CRYBG1: variants seen among roughly 807,000 people sequenced by gnomAD.
CRYBG1 encodes crystallin beta-gamma domain containing 1.
Under a neutral mutation model 189.2 loss-of-function variants are expected in CRYBG1, and 139 were observed. The ratio of observed to expected loss-of-function variants is 0.73; its 90% CI spans 0.64 to 0.85. The LOEUF is 0.85. CRYBG1 is among the 40% of genes least tolerant of loss of function. CRYBG1 has a pLI of 0.00. For synonymous variants in CRYBG1, 1,023 were observed against 1,017.1 expected, an observed-to-expected ratio of 1.01 and a Z score of -0.11; for missense variants, 2,611 against 2,675.8, an observed-to-expected ratio of 0.98 and a Z score of 0.53.
At chr6:106,440,684 A>T (rs1771552657) in intron 1 of CRYBG1, among the ~76,000 whole-genome samples, 1 of 152,234 alleles carries the variant, frequency 6.6e-6, no homozygotes, top group South Asian at 2.1e-4. Flanking sequence ...GTGTGACGGA[A>T]AGGGAAAAAC....
chr6:106,394,931 C>T (rs1160237656), intron 1 of CRYBG1, among the ~76,000 whole-genome samples: 1 of 150,680 alleles, frequency 6.6e-6, no homozygotes, highest in African/African-American at 2.4e-5. Context: ...TCTCAGCTCA[C>T]TACAACCTCT....
chr6:106,402,893 A>T (rs562346341), intron 1 of CRYBG1, among the ~76,000 whole-genome samples: 1 of 152,302 alleles, frequency 6.6e-6, no homozygotes, highest in African/African-American at 2.4e-5. Flanking sequence ...ACAACCTCCG[A>T]TGGCATGGCA....
chr6:106,435,890 G>A (rs539293627), intron 1 of CRYBG1, among the ~76,000 whole-genome samples: 54 of 152,060 alleles, frequency 3.6e-4, no homozygotes, highest in Non-Finnish European at 5.0e-4. Flanking sequence ...AAAACAAATC[G>A]TGTCTTGGAA....
chr6:106,436,498 G>A (rs1771461503), intron 1 of CRYBG1, among the ~76,000 whole-genome samples: 1 of 152,208 alleles, frequency 6.6e-6, no homozygotes, highest in East Asian at 1.9e-4. Context: ...GTTTCACCGT[G>A]TTAGCCAGGA....
At chr6:106,461,399 G>T (rs527751109) in intron 2 of CRYBG1, among the ~76,000 whole-genome samples, 8 of 152,294 alleles carry the variant, frequency 5.3e-5, no homozygotes, top group African/African-American at 1.4e-4. Flanking sequence ...AGCAAATGTA[G>T]TACAGGAGAA....
chr6:106,432,058 A>T (rs1265313299), intron 1 of CRYBG1, among the ~76,000 whole-genome samples: 1 of 152,210 alleles, frequency 6.6e-6, no homozygotes, highest in Non-Finnish European at 1.5e-5. Flanking sequence ...AATGACCAGA[A>T]TATTAATTCT....
intron 2 of CRYBG1, among the ~76,000 whole-genome samples, chr6:106,490,056 A>G (rs9372133): frequency 0.31 from 47,192 of 152,200 alleles, 8,416 homozygotes; most frequent in East Asian, 0.61. Flanking sequence ...CCAGCAGGGC[A>G]TGAAAAGCCA....
At position 106,520,324 on chromosome 6, in the gene CRYBG1, C is replaced by T; in HGVS notation, c.3116C>T (p.Pro1039Leu). ...VIPPASEKTL[P>L]IQAQSQGSRT... is the part of the protein sequence containing the mutation. The stretch of plus-strand genomic sequence containing the variant: ...CCGCCAGCATCAGAGAAAACTCTGC[C>T]TATTCAGGCTCAAAGTCAGGGCAGC... The change falls in exon 4 of 22, where the codon CCT becomes CTT. Residue 1039 changes from proline (P) to leucine (L), a missense_variant. Around this residue, in one of 3 missense-constraint regions of CRYBG1, gnomAD observed 1,622 missense variants for 1,735.0 expected, o/e 0.93. Transcript: ENST00000633556. The T allele has an allele frequency of 6.2e-7, 1 of 1,614,168 alleles. No individual in the cohort carries two copies. Among genetic ancestry groups the T allele is most frequent in the Non-Finnish European group, 8.5e-7 (1 of 1,180,038 alleles).
At chr6:106,379,254 CT>C (rs889671010) in intron 1 of CRYBG1, among the ~76,000 whole-genome samples, 3 of 151,662 alleles carry the variant, frequency 2.0e-5, no homozygotes, top group African/African-American at 7.3e-5. Context: ...CTTTGTTTTC[CT>C]TTCTTTTCTT....
intron 1 of CRYBG1, among the ~76,000 whole-genome samples, chr6:106,435,613 T>G (rs1284541530): frequency 6.6e-6 from 1 of 152,186 alleles, no homozygotes; most frequent in Non-Finnish European, 1.5e-5. Context: ...TATATTTATT[T>G]ATTTTTGAGA....
At position 106,512,835 on chromosome 6, in the gene CRYBG1, T is replaced by C. The variant is rs1377928621; in HGVS notation, c.1718T>C (p.Val573Ala). ...AARAIPRELP[V>A]KSSSLLPEIK... ...CGGGCCATCCCCCGCGAGCTCCCGG[T>C]CAAGAGCAGCTCGCTGCTGCCGGAG... The change falls in exon 3 of 22, where the codon GTC becomes GCC. Residue 573 changes from valine (V) to alanine (A), a missense_variant. Transcript: ENST00000633556. 6.3e-7 allele frequency: 1 copy of C among 1,580,400 alleles called. No homozygotes were observed. Among genetic ancestry groups the C allele is most frequent in the Admixed American group, 1.8e-5 (1 of 55,270 alleles).
chr6:106,550,642 T>C (rs1774375900), intron 13 of CRYBG1, among the ~76,000 whole-genome samples: 1 of 152,168 alleles, frequency 6.6e-6, no homozygotes, highest in Non-Finnish European at 1.5e-5. Context: ...TTGGAAACAC[T>C]GTTGGAAACA....
chr6:106,434,735 A>G (rs947581085), intron 1 of CRYBG1, among the ~76,000 whole-genome samples: 15 of 152,350 alleles, frequency 9.8e-5, no homozygotes, highest in Admixed American at 9.8e-4. Context: ...TGGCTCTTCC[A>G]ATAAAACTCT....
At chr6:106,476,826 G>T (rs1279791643) in intron 2 of CRYBG1, among the ~76,000 whole-genome samples, 5 of 152,134 alleles carry the variant, frequency 3.3e-5, no homozygotes, top group Non-Finnish European at 7.4e-5. Context: ...ATGGCAAATT[G>T]GTTTAAAGCA....
At chr6:106,430,447 T>C (rs1771303329) in intron 1 of CRYBG1, among the ~76,000 whole-genome samples, 1 of 152,208 alleles carries the variant, frequency 6.6e-6, no homozygotes, top group South Asian at 2.1e-4. Context: ...CAAGGCTATG[T>C]GACTTCAGCC....
At chr6:106,366,342 G>A (rs1771998329) in intron 1 of CRYBG1, among the ~76,000 whole-genome samples, 3 of 152,008 alleles carry the variant, frequency 2.0e-5, no homozygotes, top group Admixed American at 2.0e-4. Context: ...TTAATTTTTA[G>A]GTTTATTTTA....
At chr6:106,498,100 T>TAAA (rs11295015) in intron 2 of CRYBG1, among the ~76,000 whole-genome samples, 1 of 123,374 alleles carries the variant, frequency 8.1e-6, no homozygotes, top group Non-Finnish European at 1.7e-5. Flanking sequence ...GACTCCGTCT[T>TAAA]AAAAAAAAAA....
intron 7 of CRYBG1, among the ~76,000 whole-genome samples, chr6:106,529,171 C>T (rs1311548490): frequency 1.3e-5 from 2 of 152,152 alleles, no homozygotes; most frequent in African/African-American, 2.4e-5. Flanking sequence ...CTCTCGAACG[C>T]CTGACCTCAG....
At chr6:106,421,952 C>A (rs948143923) in intron 1 of CRYBG1, among the ~76,000 whole-genome samples, 3 of 136,034 alleles carry the variant, frequency 2.2e-5, no homozygotes, top group Non-Finnish European at 4.9e-5. Flanking sequence ...GAGACCCATT[C>A]ACTATCATGA....
Sources: gnomAD v4.1 joint callset for allele counts (sites outside exome capture counted in the v4.1 genomes callset) on GRCh38, gnomAD v4.1.1 for gene constraint, gnomAD v4.1.1 regional missense constraint, MANE v1.5 for transcripts, NCBI Gene and HGNC (gene_info 2026-07-23, HGNC 2026-07-21) for gene names.